The following FHIT variants were observed in gnomAD, a reference collection of about 807,000 sequenced individuals.
The protein encoded by FHIT is bis(5'-adenosyl)-triphosphatase.
FHIT carries 19 observed loss-of-function variants against 17.9 expected under a neutral mutation model. That is an observed-to-expected ratio of 1.06 (90% CI 0.74 to 1.56). The LOEUF (loss-of-function observed/expected upper bound fraction) is 1.56, where lower values mean the gene tolerates loss of function less well. Ranked by LOEUF, FHIT falls within the 40% of genes most tolerant of loss-of-function variation. The pLI is 0.00. For synonymous variants in FHIT, 81 were observed against 69.7 expected (o/e 1.16, Z -0.81); for missense variants, 248 against 189.2 (o/e 1.31, Z -1.82).
intron 4 of FHIT, among the ~76,000 whole-genome samples, chr3:60,747,225 T>C (rs558701219): frequency 3.5e-4 from 54 of 152,284 alleles, no homozygotes; most frequent in African/African-American, 1.3e-3. Context: ...TGCTCCTCTC[T>C]GCCTGGAATT....
chr3:60,505,112 C>A (rs1274141396), intron 5 of FHIT, among the ~76,000 whole-genome samples: 5 of 152,018 alleles, frequency 3.3e-5, no homozygotes, highest in African/African-American at 1.2e-4. Context: ...GCTGTAAAAA[C>A]AGAAAAAAAC....
At chr3:61,107,720 A>T (rs1462422017) in intron 2 of FHIT, among the ~76,000 whole-genome samples, 2 of 152,230 alleles carry the variant, frequency 1.3e-5, no homozygotes, top group African/African-American at 4.8e-5. Context: ...CAGTTTGTGA[A>T]TCGGGCAGCC....
intron 8 of FHIT, among the ~76,000 whole-genome samples, chr3:59,875,279 C>T (rs76660928): frequency 0.051 from 7,829 of 152,282 alleles, 260 homozygotes; most frequent in Non-Finnish European, 0.073. Context: ...ACCTCTGAGG[C>T]GACTGCCAGA....
At chr3:61,130,797 T>C (rs911569663) in intron 2 of FHIT, among the ~76,000 whole-genome samples, 8 of 152,112 alleles carry the variant, frequency 5.3e-5, no homozygotes, top group Non-Finnish European at 1.2e-4. Flanking sequence ...GGTTGTTGAG[T>C]ACAGACGAAA....
Position 59,969,202 on chromosome 3 carries a change from T to C in FHIT, c.279+42169A>G, listed in dbSNP as rs576182727. Among the ~76,000 whole-genome samples the C allele has an allele frequency of 3.3e-5, 5 of 152,288 alleles. No individual in the cohort carries two copies. The East Asian group carries it at 9.7e-4, about 29-fold the overall frequency. ...AGGGATCTGAGCTGTTCTACGCATA[T>C]TTACTGTGTTGCTTAAGAATGTCTC... On this transcript the variant is annotated intron_variant, in intron 7 of 9. Coordinates refer to ENST00000492590, the MANE Select transcript of FHIT (RefSeq NM_002012.4).
intron 4 of FHIT, among the ~76,000 whole-genome samples, chr3:60,654,942 C>G (rs1225421310): frequency 1.3e-5 from 2 of 151,968 alleles, no homozygotes; most frequent in Admixed American, 1.3e-4. Flanking sequence ...GTGCCCATAT[C>G]TCATCCTGTG....
intron 5 of FHIT, among the ~76,000 whole-genome samples, chr3:60,478,397 T>A (rs1452897275): frequency 6.6e-6 from 1 of 152,172 alleles, no homozygotes; most frequent in African/African-American, 2.4e-5. Flanking sequence ...CAAATATGAA[T>A]GAACTTCATT....
intron 8 of FHIT, among the ~76,000 whole-genome samples, chr3:59,840,707 C>T (rs929334340): frequency 1.3e-5 from 2 of 152,110 alleles, no homozygotes; most frequent in Non-Finnish European, 2.9e-5. Flanking sequence ...GTCCCCAGTA[C>T]ATATGTTCAG....
intron 5 of FHIT, among the ~76,000 whole-genome samples, chr3:60,019,832 T>C (rs943806794): frequency 2.0e-5 from 3 of 152,216 alleles, no homozygotes; most frequent in Non-Finnish European, 4.4e-5. Flanking sequence ...ACAGTTGGGA[T>C]TGGAGCTCAA....
chr3:60,825,532 C>T (rs1267852093), intron 3 of FHIT, among the ~76,000 whole-genome samples: 2 of 152,092 alleles, frequency 1.3e-5, no homozygotes, highest in African/African-American at 2.4e-5. Context: ...GGGACCAGGC[C>T]ACACAGCAGG....
chr3:60,252,420 A>G (rs1046800222), intron 5 of FHIT, among the ~76,000 whole-genome samples: 7 of 152,044 alleles, frequency 4.6e-5, no homozygotes, highest in African/African-American at 1.7e-4. Context: ...AAAAATTAGC[A>G]GATCATAATG....
chr3:60,727,936 A>C (rs1482616567), intron 4 of FHIT, among the ~76,000 whole-genome samples: 1 of 152,286 alleles, frequency 6.6e-6, no homozygotes, highest in South Asian at 2.1e-4. Context: ...CCCGGGAGGC[A>C]GAGCTTGCAG....
At chr3:59,787,203 TC>T (rs1448380763) in intron 8 of FHIT, among the ~76,000 whole-genome samples, 3 of 152,108 alleles carry the variant, frequency 2.0e-5, no homozygotes, top group Admixed American at 6.6e-5. Context: ...GCTCAATATC[TC>T]CCAGATAATA....
intron 5 of FHIT, among the ~76,000 whole-genome samples, chr3:60,397,858 G>T (rs1013212836): frequency 1.3e-5 from 2 of 152,090 alleles, no homozygotes; most frequent in African/African-American, 4.8e-5. Context: ...CTAATTAGTT[G>T]TCTACACTGC....
chr3:59,923,251 A>T, intron 7 of FHIT, among the ~76,000 whole-genome samples: 1 of 118,134 alleles, frequency 8.5e-6, no homozygotes, highest in Non-Finnish European at 1.7e-5. Flanking sequence ...AAAAAAAAAA[A>T]ATCCCGTGAG....
At chr3:60,790,125 A>T (rs1310644292) in intron 4 of FHIT, among the ~76,000 whole-genome samples, 1 of 152,224 alleles carries the variant, frequency 6.6e-6, no homozygotes, top group Non-Finnish European at 1.5e-5. Flanking sequence ...CAGTAAGTGT[A>T]CATAATGTGA....
chr3:60,249,825 G>C (rs1480989415), intron 5 of FHIT, among the ~76,000 whole-genome samples: 1 of 152,028 alleles, frequency 6.6e-6, no homozygotes, highest in Non-Finnish European at 1.5e-5. Flanking sequence ...AAGAGATTTA[G>C]TGGACTCACA....
chr3:60,312,140 T>G (rs1455175009), intron 5 of FHIT, among the ~76,000 whole-genome samples: 1 of 152,104 alleles, frequency 6.6e-6, no homozygotes, highest in African/African-American at 2.4e-5. Flanking sequence ...CCTGTACTAA[T>G]GGGATAAAAA....
intron 2 of FHIT, among the ~76,000 whole-genome samples, chr3:61,076,076 A>G (rs564702591): frequency 6.6e-6 from 1 of 152,288 alleles, no homozygotes; most frequent in Admixed American, 6.5e-5. Flanking sequence ...TATAGACTAA[A>G]TGATTACCTA....
Sources: gnomAD v4.1 joint callset for allele counts (sites outside exome capture counted in the v4.1 genomes callset) on GRCh38, gnomAD v4.1.1 for gene constraint, MANE v1.5 for transcripts, NCBI Gene and HGNC (gene_info 2026-07-23, HGNC 2026-07-21) for gene names.